RAD50: variants seen among roughly 807,000 people sequenced by gnomAD.
RAD50 encodes the protein DNA repair protein RAD50.
In RAD50, 132 loss-of-function variants were observed where a neutral mutation model predicts 168.8. The ratio of observed to expected loss-of-function variants is 0.78; its 90% CI spans 0.68 to 0.90. The LOEUF (loss-of-function observed/expected upper bound fraction) is 0.90, where lower values mean the gene tolerates loss of function less well. RAD50 is among the 40% of genes least tolerant of loss of function. RAD50 has a pLI of 0.00. For synonymous variants in RAD50, 525 were observed against 497.4 expected (o/e 1.06, Z -0.74); for missense variants, 1,347 against 1,534.4 (o/e 0.88, Z 2.04).
intron 21 of RAD50, among the ~76,000 whole-genome samples, chr5:132,626,983 CG>C (rs1295741727): frequency 3.3e-5 from 5 of 152,178 alleles, no homozygotes; most frequent in African/African-American, 9.6e-5. Context: ...TGGGTTCAAG[CG>C]ATTCTCATGC....
chr5:132,565,122 C>T (rs1750184589), intron 2 of RAD50, among the ~76,000 whole-genome samples: 1 of 152,040 alleles, frequency 6.6e-6, no homozygotes, highest in African/African-American at 2.4e-5. Context: ...TGTCACAATT[C>T]CCCCTTTACT....
rs184848681 is a variant in RAD50, at chr5:132,561,891, G to A, written c.213+2524G>A. 9.3e-5 allele frequency among the ~76,000 whole-genome samples: 14 copies of A among 151,162 alleles called. No individual in the cohort carries two copies. In the East Asian group the frequency reaches 2.3e-3, roughly 25 times the overall value. ...CAGAATTTGTCTACTTCATTCCATC[G>A]GCCACTGTGTTCCTGTTCCAAGCCA... On this transcript the variant is annotated intron_variant, in intron 2 of 24. Transcript: ENST00000378823.
Position 132,645,132 on chromosome 5 carries a change from C to G in RAD50, c.*2768C>G, listed in dbSNP as rs1431003317. ...CAATAACTGCACCCCTCCAAAATCT[C>G]AGTTTTAAGCATCTCACTCTCCAAT... is the stretch of plus-strand genomic sequence containing the variant. On this transcript the variant is annotated 3_prime_UTR_variant, in exon 25 of 25. Coordinates refer to ENST00000378823, the MANE Select transcript of RAD50 (RefSeq NM_005732.4). 4 of 152,338 alleles carry G rather than the reference C, an allele frequency of 2.6e-5. No homozygotes were observed. The highest frequency in any genetic ancestry group is 9.6e-5 in the African/African-American group (4 of 41,562). 9.4% of individuals were successfully genotyped at this position (152,338 alleles called of 1,614,324 possible). A position where few individuals can be genotyped will look rare whatever the true frequency, so the allele number is the denominator to read the frequency against.
chr5:132,574,231 A>G (rs186864737), intron 2 of RAD50, among the ~76,000 whole-genome samples: 30 of 152,320 alleles, frequency 2.0e-4, no homozygotes, highest in Admixed American at 1.7e-3. Flanking sequence ...AGGTGTTTCC[A>G]TACACCCTCT....
chr5:132,557,053 G>C lies in RAD50; in HGVS notation c.-272G>C, dbSNP rs1172374954. 6.2e-6 allele frequency: 4 copies of C among 649,062 alleles called. No homozygotes were observed. Among genetic ancestry groups the C allele is most frequent in the Non-Finnish European group, 7.4e-6 (3 of 402,706 alleles). 40.2% of individuals were successfully genotyped at this position (649,062 alleles called of 1,614,324 possible). On this transcript the variant is annotated 5_prime_UTR_variant, in exon 1 of 25. Coordinates refer to ENST00000378823, the MANE Select transcript of RAD50 (RefSeq NM_005732.4). ...GGTCGCATTGTGGCTACGGCTTTGC[G>C]TCCCCGGCGGGCAGCCCCAGGCTGG...
At chr5:132,565,658 A>G (rs1750194929) in intron 2 of RAD50, among the ~76,000 whole-genome samples, 1 of 151,938 alleles carries the variant, frequency 6.6e-6, no homozygotes, top group Non-Finnish European at 1.5e-5. Context: ...TCAGTCTGAT[A>G]CTTTATACCA....
In RAD50 at chr5:132,579,887, C is replaced by A; in HGVS notation, c.577C>A (p.Arg193=). Residue 193 remains arginine (R), a synonymous_variant, in exon 5 of 25, where the codon CGG becomes AGG. Coordinates refer to ENST00000378823, the MANE Select transcript of RAD50 (RefSeq NM_005732.4). ...ATACATTAAAGCCTTAGAAACACTT[C>A]GGCAGGTACGTCAGACACAAGGTCA... ...TRYIKALETL[R]QVRQTQGQKV... is the part of the protein sequence containing the mutation. The A allele has an allele frequency of 6.2e-7, 1 of 1,612,422 alleles. No individual in the cohort carries two copies. The highest frequency in any genetic ancestry group is 2.2e-5 in the East Asian group (1 of 44,814).
intron 15 of RAD50, among the ~76,000 whole-genome samples, chr5:132,604,415 A>G (rs1750944927): frequency 6.6e-6 from 1 of 151,924 alleles, no homozygotes; most frequent in Non-Finnish European, 1.5e-5. Context: ...ACAGGCACAC[A>G]TCACTATGCC....
In RAD50 at chr5:132,643,106, C is replaced by A. The variant is rs149508378; in HGVS notation, c.*742C>A. ...ACCACTTGAGGCCTGATCTGCCCAT[C>A]GTGAAGAAGCCTGTAACACTCCTCT... On this transcript the variant is annotated 3_prime_UTR_variant, in exon 25 of 25. Coordinates refer to ENST00000378823, the MANE Select transcript of RAD50 (RefSeq NM_005732.4). 7.6e-6 allele frequency: 4 copies of A among 527,716 alleles called. No individual in the cohort carries two copies. The highest frequency in any genetic ancestry group is 2.3e-5 in the Admixed American group (1 of 44,244). The allele number at this position is 527,716 out of a possible 1,614,324, so 32.7% of individuals were successfully genotyped here. A position where few individuals can be genotyped will look rare whatever the true frequency, so the allele number is the denominator to read the frequency against.
chr5:132,563,237 A>G (rs1750151533), intron 2 of RAD50, among the ~76,000 whole-genome samples: 1 of 152,210 alleles, frequency 6.6e-6, no homozygotes, highest in Admixed American at 6.5e-5. Flanking sequence ...GGACAGAAAC[A>G]TTGATGCAGG....
chr5:132,609,258 G>A (rs1180677163), intron 18 of RAD50, 25 bp from the exon 19 acceptor site: 2 of 1,607,636 alleles, frequency 1.2e-6, no homozygotes, highest in South Asian at 1.1e-5. Flanking sequence ...TTATTCATGT[G>A]CTTAAAGAAT....
intron 2 of RAD50, among the ~76,000 whole-genome samples, chr5:132,570,806 C>A (rs1428462462): frequency 6.6e-6 from 1 of 152,202 alleles, no homozygotes; most frequent in African/African-American, 2.4e-5. Flanking sequence ...TTCCTTTGCC[C>A]TCACAACTCA....
At chr5:132,590,018 A>G (rs1750670675) in intron 9 of RAD50, among the ~76,000 whole-genome samples, 181 bp downstream of exon 9, 1 of 152,188 alleles carries the variant, frequency 6.6e-6, no homozygotes, top group Admixed American at 6.5e-5. Context: ...ACAACCCGAT[A>G]GCCTGAAAAT....
intron 2 of RAD50, among the ~76,000 whole-genome samples, chr5:132,571,066 ACG>A (rs1750295008): frequency 6.6e-6 from 1 of 152,230 alleles, no homozygotes; most frequent in African/African-American, 2.4e-5. Flanking sequence ...CAGGACACAC[ACG>A]TTAATGGATT....
chr5:132,599,463 A>C (rs191476706), intron 13 of RAD50, among the ~76,000 whole-genome samples: 2 of 152,352 alleles, frequency 1.3e-5, no homozygotes, highest in Admixed American at 1.3e-4. Flanking sequence ...TGAGAGAGGA[A>C]GTCTTCTTCC....
At chr5:132,612,475 T>C (rs902009655) in intron 19 of RAD50, among the ~76,000 whole-genome samples, 3 of 152,238 alleles carry the variant, frequency 2.0e-5, no homozygotes, top group Non-Finnish European at 4.4e-5. Context: ...TGTACACGTT[T>C]AAACAGTGAA....
At chr5:132,569,112 AAT>A (rs1344147377) in intron 2 of RAD50, among the ~76,000 whole-genome samples, 1 of 152,212 alleles carries the variant, frequency 6.6e-6, no homozygotes, top group Non-Finnish European at 1.5e-5. Flanking sequence ...GAGAAAAATC[AAT>A]CATATGAACA....
intron 21 of RAD50, among the ~76,000 whole-genome samples, chr5:132,627,301 A>G (rs114537976): frequency 1.6e-3 from 245 of 152,310 alleles, no homozygotes; most frequent in Non-Finnish European, 2.6e-3. Context: ...TACATAATAC[A>G]TAGTTGTATA....
In RAD50 at chr5:132,589,803, G is replaced by A; in HGVS notation, c.1418G>A (p.Arg473Lys). ...ELQQLEGSSD[R>K]ILELDQELIK... ...CAGCAGTTGGAAGGATCTTCAGACAGGATTCTTGAACTGGACCAGGAGCTC... is the reference window on the plus strand; with the variant it reads ...CAGCAGTTGGAAGGATCTTCAGACAAGATTCTTGAACTGGACCAGGAGCTC... Residue 473 changes from arginine to lysine, a missense_variant, in exon 9 of 25, where the codon AGG (arginine) becomes AAG (lysine). By Grantham distance (26) the Arg-to-Lys change is conservative. Coordinates refer to ENST00000378823, the MANE Select transcript of RAD50 (RefSeq NM_005732.4). 6.2e-7 allele frequency: 1 copy of A among 1,613,568 alleles called. No individual in the cohort carries two copies. The highest frequency in any genetic ancestry group is 8.5e-7 in the Non-Finnish European group (1 of 1,179,782).
Sources: allele counts gnomAD v4.1 joint callset (sites outside exome capture counted in the v4.1 genomes callset), GRCh38; gene constraint gnomAD v4.1.1; transcripts MANE v1.5; gene names NCBI Gene and HGNC (gene_info 2026-07-23, HGNC 2026-07-21).